STXBP5L: variants seen among roughly 807,000 people sequenced by gnomAD.
STXBP5L encodes the protein syntaxin binding protein 5L.
Under a neutral mutation model 144.5 loss-of-function variants are expected in STXBP5L, and 65 were observed. The observed-to-expected ratio is 0.45, with a 90% CI of 0.37 to 0.55. STXBP5L has a LOEUF of 0.55. STXBP5L is among the 20% of genes least tolerant of loss of function. The pLI, the probability that STXBP5L is intolerant of heterozygous loss-of-function variation, is 0.00. For synonymous variants in STXBP5L, 505 were observed against 469.6 expected (o/e 1.08, Z -0.97); for missense variants, 1,298 against 1,405.5 (o/e 0.92, Z 1.22).
At chr3:121,145,055 G>A (rs954633631) in intron 7 of STXBP5L, among the ~76,000 whole-genome samples, 4 of 151,832 alleles carry the variant, frequency 2.6e-5, no homozygotes, top group Non-Finnish European at 5.9e-5. Flanking sequence ...AGTCAAGCAA[G>A]CTTGATTGAT....
chr3:121,024,370 T>C (rs1945779012), intron 3 of STXBP5L, among the ~76,000 whole-genome samples: 1 of 152,180 alleles, frequency 6.6e-6, no homozygotes, highest in Non-Finnish European at 1.5e-5. Context: ...GGCTTTACTT[T>C]AGGAATTCTT....
intron 3 of STXBP5L, among the ~76,000 whole-genome samples, chr3:120,969,862 C>T (rs975071387): frequency 2.0e-5 from 3 of 151,870 alleles, no homozygotes; most frequent in Admixed American, 2.0e-4. Flanking sequence ...TAGATACTTT[C>T]TTTCTGTTTT....
chr3:120,937,497 C>T (rs199644547), intron 2 of STXBP5L, among the ~76,000 whole-genome samples: 62 of 152,270 alleles, frequency 4.1e-4, no homozygotes, highest in African/African-American at 1.4e-3. Flanking sequence ...CTGCTTCCCA[C>T]GCGGAAGTTT....
chr3:120,971,180 C>T (rs181101904), intron 3 of STXBP5L, among the ~76,000 whole-genome samples: 16 of 152,150 alleles, frequency 1.1e-4, no homozygotes, highest in Middle Eastern at 3.4e-3. Flanking sequence ...CTGCAGATTG[C>T]GTTCTCTGCA....
At chr3:120,930,091 A>G (rs1559881702) in intron 2 of STXBP5L, among the ~76,000 whole-genome samples, 1 of 150,864 alleles carries the variant, frequency 6.6e-6, no homozygotes, top group East Asian at 1.9e-4. Context: ...CTATTGTCAA[A>G]TCTATTGACT....
chr3:121,349,589 T>C (rs2045179371), intron 20 of STXBP5L, among the ~76,000 whole-genome samples: 2 of 152,140 alleles, frequency 1.3e-5, no homozygotes, highest in South Asian at 4.1e-4. Flanking sequence ...TGTGTGGGAG[T>C]CTAAGTCTCT....
chr3:121,103,792 A>G (rs1408803940), intron 5 of STXBP5L, among the ~76,000 whole-genome samples: 2 of 152,208 alleles, frequency 1.3e-5, no homozygotes, highest in Non-Finnish European at 2.9e-5. Flanking sequence ...GTTAGAGAAA[A>G]TTAGATGATT....
intron 5 of STXBP5L, among the ~76,000 whole-genome samples, chr3:121,109,120 A>G (rs1011965389): frequency 1.3e-5 from 2 of 151,868 alleles, no homozygotes; most frequent in Non-Finnish European, 2.9e-5. Flanking sequence ...TATTGTATCA[A>G]TTTGATTCTT....
chr3:121,208,522 T>C (rs2048428783), intron 10 of STXBP5L, among the ~76,000 whole-genome samples: 1 of 151,634 alleles, frequency 6.6e-6, no homozygotes, highest in Admixed American at 6.6e-5. Context: ...CACTGTTTTA[T>C]ACCATTATAA....
chr3:121,202,305 C>T (rs1172305784), intron 9 of STXBP5L, among the ~76,000 whole-genome samples: 3 of 151,990 alleles, frequency 2.0e-5, no homozygotes, highest in East Asian at 3.9e-4. Flanking sequence ...GTATCTTTTC[C>T]TTGTTCCAAT....
chr3:121,259,116 G>A lies in STXBP5L; in HGVS notation c.1906G>A (p.Gly636Ser). The change falls in exon 18 of 27, where the codon GGT becomes AGT. Residue 636 changes from glycine to serine, a missense_variant. Coordinates refer to ENST00000471454, the MANE Select transcript of STXBP5L (RefSeq NM_001308330.2). ...ELVIQLVWVD[G>S]EPPQQITSLA... ...TGTTATTCAATTGGTGTGGGTAGAT[G>A]GTGAACCTCCACAACAGATTACTAG... 1 of 1,604,466 alleles carries A rather than the reference G, an allele frequency of 6.2e-7. No individual in the cohort carries two copies. Among genetic ancestry groups the A allele is most frequent in the Non-Finnish European group, 8.5e-7 (1 of 1,174,430 alleles).
chr3:121,147,430 A>T (rs1315414402), intron 7 of STXBP5L, among the ~76,000 whole-genome samples: 1 of 152,158 alleles, frequency 6.6e-6, no homozygotes, highest in Non-Finnish European at 1.5e-5. Flanking sequence ...TAACAATGTG[A>T]CATATCAAAA....
chr3:121,423,255 G>C lies in STXBP5L; in HGVS notation c.*4158G>C, dbSNP rs2047392380. 1 of 152,276 alleles carries C rather than the reference G, an allele frequency of 6.6e-6. No homozygotes were observed. Among genetic ancestry groups the C allele is most frequent in the Non-Finnish European group, 1.5e-5 (1 of 68,124 alleles). The allele number at this position is 152,276 out of a possible 1,614,324, so 9.4% of individuals were successfully genotyped here. ...GTCATGCAACTCCATTTTTGGCTAGGTACTATTTCACATGCACACTGTCCT... is the reference window on the plus strand; with the variant it reads ...GTCATGCAACTCCATTTTTGGCTAGCTACTATTTCACATGCACACTGTCCT... On this transcript the variant is annotated 3_prime_UTR_variant, in exon 27 of 27. Coordinates refer to ENST00000471454, the MANE Select transcript of STXBP5L (RefSeq NM_001308330.2).
chr3:120,934,837 T>C (rs1332421694), intron 2 of STXBP5L, among the ~76,000 whole-genome samples: 1 of 152,056 alleles, frequency 6.6e-6, no homozygotes, highest in African/African-American at 2.4e-5. Flanking sequence ...TAATTAGTGT[T>C]TGCATAGTAT....
At chr3:121,397,053 C>T (rs1287180896) in intron 22 of STXBP5L, among the ~76,000 whole-genome samples, 3 of 152,218 alleles carry the variant, frequency 2.0e-5, no homozygotes, top group Admixed American at 1.3e-4. Flanking sequence ...TATAGGGTGT[C>T]TGGAAAACTT....
At chr3:121,106,703 T>C (rs1302321484) in intron 5 of STXBP5L, among the ~76,000 whole-genome samples, 1 of 152,242 alleles carries the variant, frequency 6.6e-6, no homozygotes, top group East Asian at 1.9e-4. Context: ...GTAATGAACA[T>C]ATGCATGTAT....
At chr3:121,089,531 T>G (rs1054582262) in intron 5 of STXBP5L, among the ~76,000 whole-genome samples, 1 of 152,024 alleles carries the variant, frequency 6.6e-6, no homozygotes, top group Non-Finnish European at 1.5e-5. Context: ...TAAAGATTTT[T>G]TTTTTCTTTT....
chr3:121,179,780 A>G (rs1418622259), intron 9 of STXBP5L, among the ~76,000 whole-genome samples: 1 of 152,164 alleles, frequency 6.6e-6, no homozygotes, highest in Non-Finnish European at 1.5e-5. Flanking sequence ...CACTTAGGGA[A>G]ATACAAAATA....
chr3:121,365,473 G>A (rs1194048864), intron 20 of STXBP5L, among the ~76,000 whole-genome samples: 13 of 150,632 alleles, frequency 8.6e-5, no homozygotes, highest in Admixed American at 7.9e-4. Context: ...GTCTATTCAC[G>A]GTTTGTATTT....
Sources: allele counts gnomAD v4.1 joint callset (sites outside exome capture counted in the v4.1 genomes callset), GRCh38; gene constraint gnomAD v4.1.1; transcripts MANE v1.5; gene names NCBI Gene and HGNC (gene_info 2026-07-23, HGNC 2026-07-21).